The following EIF4E3 variants were observed in gnomAD, a reference collection of about 807,000 sequenced individuals.
EIF4E3 encodes eukaryotic translation initiation factor 4E family member 3.
EIF4E3 carries 26 observed loss-of-function variants against 31.7 expected under a neutral mutation model. The observed-to-expected ratio is 0.82, with a 90% confidence interval of 0.60 to 1.14. The LOEUF (loss-of-function observed/expected upper bound fraction) is 1.14. Ranked by LOEUF, EIF4E3 falls within the 50% of genes most tolerant of loss-of-function variation. The pLI is 0.00. For missense variants in EIF4E3, 304 were observed against 270.9 expected (o/e 1.12, Z -0.86); for synonymous variants, 128 against 107.7 (o/e 1.19, Z -1.17).
chr3:71,750,816 T>G (rs529380191), intron 1 of EIF4E3, among the ~76,000 whole-genome samples: 1 of 151,276 alleles, frequency 6.6e-6, no homozygotes, highest in South Asian at 2.1e-4. Flanking sequence ...CAGGCTGAAG[T>G]GCAGTGACAC....
chr3:71,753,705 G>GGCAGAGCCAAGAGGCGCGGC (rs2049963774), upstream of EIF4E3: 1 of 150,512 alleles, frequency 6.6e-6, no homozygotes, highest in Non-Finnish European at 1.5e-5. Context: ...CCCGGCGGGG[G>GGCAGAGCCAAGAGGCGCGGC]GCAGAGCCAA....
At chr3:71,692,360 C>A (rs1233729489) in intron 5 of EIF4E3, among the ~76,000 whole-genome samples, 1 of 152,158 alleles carries the variant, frequency 6.6e-6, no homozygotes, top group Non-Finnish European at 1.5e-5. Flanking sequence ...CCCAAGTCAA[C>A]CACAAAACAA....
At chr3:71,707,478 T>A (rs529832914) in intron 2 of EIF4E3, among the ~76,000 whole-genome samples, 3 of 152,330 alleles carry the variant, frequency 2.0e-5, no homozygotes, top group African/African-American at 7.2e-5. Flanking sequence ...CATCTAACTT[T>A]CACTCTACCT....
chr3:71,659,934 G>C, the EIF4E3 span, among the ~76,000 whole-genome samples: 5 of 152,102 alleles, frequency 3.3e-5, no homozygotes. Context: ...AAGTAATCTA[G>C]GACTTTGCTA....
downstream of EIF4E3, among the ~76,000 whole-genome samples, chr3:71,672,786 T>C (rs1405914246): frequency 5.4e-5 from 8 of 146,844 alleles, no homozygotes; most frequent in South Asian, 8.6e-4. Flanking sequence ...ATCTTTTTTC[T>C]TTTTTTTTTT....
intron 1 of EIF4E3, among the ~76,000 whole-genome samples, chr3:71,732,603 T>G (rs72953218): frequency 0.012 from 1,853 of 152,354 alleles, 43 homozygotes; most frequent in African/African-American, 0.042. Context: ...ATAAACACTC[T>G]GCCAATCACT....
Position 71,725,273 on chromosome 3 carries a change from AGCGGCGGCTCGGGG to A in EIF4E3, c.81_94del (p.Pro28ArgfsTer11). 9.7e-7 allele frequency: 1 copy of A among 1,027,676 alleles called. No homozygotes were observed. Among genetic ancestry groups the A allele is most frequent in the African/African-American group, 1.7e-5 (1 of 57,482 alleles). The allele number at this position is 1,027,676 out of a possible 1,614,324, so 63.7% of individuals were successfully genotyped here. On this transcript the variant is annotated frameshift_variant, in exon 1 of 7. Transcript: ENST00000425534. LOFTEE classifies it high-confidence loss of function. This position sits in a 1 kb window ranked among gnomAD's most constrained non-coding sequence, Gnocchi z 6.1. ...CAGCGCCGACAGCTGCTGCAGGCCG[AGCGGCGGCTCGGGG>A]GCGGCGGCAGCGGCGGCGGCGCGGG...
intron 1 of EIF4E3, among the ~76,000 whole-genome samples, chr3:71,711,778 A>T (rs2049382812): frequency 6.6e-6 from 1 of 152,160 alleles, no homozygotes. Context: ...GGAGTTTGAG[A>T]CCAGCATGGC....
At chr3:71,725,472 G>T, upstream of EIF4E3, 1 of 697,582 alleles carries the variant, frequency 1.4e-6, no homozygotes, top group Non-Finnish European at 1.7e-6. This position sits in a 1 kb window ranked among gnomAD's most constrained non-coding sequence, Gnocchi z 6.1. Flanking sequence ...GCCCCGCCCC[G>T]CCCCGGGCTA....
intron 4 of EIF4E3, 70 bp from the exon 5 acceptor site, chr3:71,694,011 G>A: frequency 7.1e-7 from 1 of 1,415,838 alleles, no homozygotes. Context: ...ATCCTCAGGA[G>A]CTAAACAAAT....
intron 1 of EIF4E3, among the ~76,000 whole-genome samples, chr3:71,714,925 A>G (rs2049441755): frequency 1.3e-5 from 2 of 152,240 alleles, no homozygotes; most frequent in African/African-American, 2.4e-5. Flanking sequence ...AAAGAAGGAA[A>G]CATTTTTACT....
chr3:71,743,096 G>C (rs371994202), intron 1 of EIF4E3, among the ~76,000 whole-genome samples: 22 of 152,048 alleles, frequency 1.4e-4, no homozygotes, highest in Non-Finnish European at 3.2e-4. Context: ...AGACCAATAA[G>C]GTTAGCTCCA....
At chr3:71,711,154 G>A (rs2049373190) in intron 1 of EIF4E3, among the ~76,000 whole-genome samples, 1 of 152,190 alleles carries the variant, frequency 6.6e-6, no homozygotes, top group Admixed American at 6.5e-5. Context: ...CAGAAACACT[G>A]CAATTTAACT....
chr3:71,693,832 G>A (rs759867023), intron 5 of EIF4E3, 43 bp downstream of exon 5: 4 of 1,471,622 alleles, frequency 2.7e-6, no homozygotes, highest in South Asian at 2.7e-5. Context: ...CACAAGCCAG[G>A]AGCACACGAG....
Position 71,681,133 on chromosome 3 carries a change from G to A in EIF4E3, c.*3549C>T, listed in dbSNP as rs926760639. On this transcript the variant is annotated 3_prime_UTR_variant, in exon 7 of 7. Transcript: ENST00000425534. ...GAGATATTTTAAGCACATCTGGAGC[G>A]ATCTAGCTTTGACACATTTTTATTA... 2 of 152,164 alleles carry A rather than the reference G, an allele frequency of 1.3e-5. No homozygotes were observed. Among genetic ancestry groups the A allele is most frequent in the African/African-American group, 4.8e-5 (2 of 41,436 alleles). The allele number at this position is 152,164 out of a possible 1,614,324, so 9.4% of individuals were successfully genotyped here.
In EIF4E3 at chr3:71,677,622, C is replaced by T. The variant is rs2048883784; in HGVS notation, c.*7060G>A. The T allele has an allele frequency of 2.0e-5, 3 of 152,162 alleles. No homozygotes were observed. The highest frequency in any genetic ancestry group is 2.0e-4 in the Admixed American group (3 of 15,284). 9.4% of individuals were successfully genotyped at this position (152,162 alleles called of 1,614,324 possible). A position where few individuals can be genotyped will look rare whatever the true frequency, so the allele number is the denominator to read the frequency against. On this transcript the variant is annotated 3_prime_UTR_variant, in exon 7 of 7. Transcript: ENST00000425534. ...ATTTTAAAGCCTTCCTAGTGTTATG[C>T]CCTGCTCTTCAACGATTTCATTAAA...
In EIF4E3 at chr3:71,743,853, A is replaced by C. The variant is rs557103685; in HGVS notation, c.-291+9610T>G. Among the ~76,000 whole-genome samples the C allele has an allele frequency of 3.3e-5, 5 of 152,318 alleles. No homozygotes were observed. The East Asian group carries it at 9.6e-4, about 29-fold the overall frequency. ...TGACAAAGGTGCAGTAAGTTTTTCA[A>C]CAAGGGGTGCTGGAACAGTTGAATA... is the stretch of plus-strand genomic sequence containing the variant. On this transcript the variant is annotated intron_variant, in intron 1 of 7. Coordinates refer to the EIF4E3 transcript ENST00000295612.
intron 2 of EIF4E3, among the ~76,000 whole-genome samples, chr3:71,706,357 T>C (rs147899540): frequency 9.8e-5 from 15 of 152,358 alleles, no homozygotes; most frequent in African/African-American, 3.1e-4. Flanking sequence ...CCAAACCATC[T>C]ACTTTGATTT....
chr3:71,746,363 A>C (rs2049872792), intron 1 of EIF4E3, among the ~76,000 whole-genome samples: 1 of 152,236 alleles, frequency 6.6e-6, no homozygotes, highest in South Asian at 2.1e-4. Context: ...CTGTAATATA[A>C]AGCTATTGGT....
Sources: gnomAD v4.1 joint callset for allele counts (sites outside exome capture counted in the v4.1 genomes callset) on GRCh38, gnomAD v4.1.1 for gene constraint, Gnocchi (gnomAD v3.1) non-coding constraint, MANE v1.5 for transcripts, NCBI Gene and HGNC (gene_info 2026-07-23, HGNC 2026-07-21) for gene names.